The following COL6A1 variants were observed in gnomAD, a reference collection of about 807,000 sequenced individuals.
The protein encoded by COL6A1 is collagen alpha-1(VI) chain.
Under a neutral mutation model 145.6 loss-of-function variants are expected in COL6A1, and 80 were observed. The observed-to-expected ratio is 0.55, with a 90% CI of 0.46 to 0.66. The LOEUF is 0.66. COL6A1 is among the 30% of genes least tolerant of loss of function. COL6A1 has a pLI of 0.00. For synonymous variants in COL6A1, 638 were observed against 622.8 expected (o/e 1.02, Z -0.36); for missense variants, 1,364 against 1,473.8 (o/e 0.93, Z 1.22).
In COL6A1 at chr21:45,998,882, C is replaced by G. The variant is rs886057154; in HGVS notation, c.1612-15C>G. 4.5e-6 allele frequency: 7 copies of G among 1,552,752 alleles called. No homozygotes were observed. The highest frequency in any genetic ancestry group is 4.8e-5 in the East Asian group (2 of 41,594). On this transcript the variant is annotated splice_polypyrimidine_tract_variant and intron_variant, in intron 24 of 34. Coordinates refer to ENST00000361866, the MANE Select transcript of COL6A1 (RefSeq NM_001848.3). Reference sequence around the variant, plus strand: ...ATAAAACCCTTGTTAACCAAGTGCTCTCCCGTCACTGCAGGGCACGAAGGG... The same window carrying G: ...ATAAAACCCTTGTTAACCAAGTGCTGTCCCGTCACTGCAGGGCACGAAGGG...
At position 46,003,749 on chromosome 21, in the gene COL6A1, C is replaced by T. The variant is rs1456333251; in HGVS notation, c.2823C>T (p.Leu941=). Reference sequence around the variant, plus strand: ...GCGCTGCCAAGAAGAGGCTGCTGCTCTTCTCAGATGGCAACTCGCAGGGCG... The same window carrying T: ...GCGCTGCCAAGAAGAGGCTGCTGCTTTTCTCAGATGGCAACTCGCAGGGCG... ...SSGAAKKRLL[L]FSDGNSQGAT... The change falls in exon 35 of 35, where the codon CTC becomes CTT. Residue 941 remains leucine, a synonymous_variant. Transcript: ENST00000361866. The T allele has an allele frequency of 1.9e-6, 3 of 1,612,784 alleles. No homozygotes were observed. Among genetic ancestry groups the T allele is most frequent in the East Asian group, 2.2e-5 (1 of 44,882 alleles).
At chr21:45,999,541 A>T (rs2077826115) in intron 26 of COL6A1, 116 bp from the exon 27 acceptor site, 1 of 1,112,026 alleles carries the variant, frequency 9.0e-7, no homozygotes, top group Non-Finnish European at 1.3e-6. Flanking sequence ...GTAGGGAGGG[A>T]CCGGGCAGGG....
chr21:45,982,726 T>C lies in COL6A1; in HGVS notation c.190T>C (p.Ser64Pro). 6.2e-7 allele frequency: 1 copy of C among 1,612,678 alleles called. No individual in the cohort carries two copies. ...PYGALVDKVK[S>P]FTKRFIDNLR... ...CGGGGCCCTCGTGGACAAAGTCAAG[T>C]CCTTCACCAAGCGCTTCATCGACAA... is the stretch of plus-strand genomic sequence containing the variant. Residue 64 changes from serine (S) to proline (P), a missense_variant, in exon 2 of 35, where the codon TCC becomes CCC. By Grantham distance (74) the Ser-to-Pro change is moderately conservative. Transcript: ENST00000361866.
rs1305913403 is a variant in COL6A1, at chr21:46,004,139, T to C, written c.*126T>C. ...CGCTAGATTTTTTTTAAGGAAAAGCTTGGAAAGCCAGGACACAACGCTGCT... is the reference window on the plus strand; with the variant it reads ...CGCTAGATTTTTTTTAAGGAAAAGCCTGGAAAGCCAGGACACAACGCTGCT... On this transcript the variant is annotated 3_prime_UTR_variant, in exon 35 of 35. Coordinates refer to ENST00000361866, the MANE Select transcript of COL6A1 (RefSeq NM_001848.3). 6.6e-6 allele frequency: 9 copies of C among 1,366,974 alleles called. No homozygotes were observed. The Admixed American group carries it at 1.7e-4, about 26-fold the overall frequency. The allele number at this position is 1,366,974 out of a possible 1,614,324, so 84.7% of individuals were successfully genotyped here.
chr21:46,002,919 C>T (rs1488193017), intron 33 of COL6A1, among the ~76,000 whole-genome samples: 2 of 151,738 alleles, frequency 1.3e-5, no homozygotes, highest in African/African-American at 4.8e-5. Flanking sequence ...TCCCAGCTCA[C>T]TGTTACCTCC....
chr21:45,982,387 C>T (rs2077712868), intron 1 of COL6A1, among the ~76,000 whole-genome samples: 2 of 152,248 alleles, frequency 1.3e-5, no homozygotes, highest in Admixed American at 6.5e-5. Flanking sequence ...CGGGGACGCC[C>T]TGCCCTTCGG....
Position 46,003,447 on chromosome 21 carries a change from G to A in COL6A1, c.2521G>A (p.Gly841Ser). 6.2e-7 allele frequency: 1 copy of A among 1,605,400 alleles called. No homozygotes were observed. The highest frequency in any genetic ancestry group is 8.5e-7 in the Non-Finnish European group (1 of 1,179,698). ...TILLDGSASVGSHNFDTTKRF... is the reference protein window; with the variant it reads ...TILLDGSASVSSHNFDTTKRF... ...CCTGCTGGACGGCTCCGCCAGCGTG[G>A]GCAGCCACAACTTTGACACCACCAA... Residue 841 changes from glycine (G) to serine (S), a missense_variant, in exon 35 of 35, where the codon GGC becomes AGC. Coordinates refer to ENST00000361866, the MANE Select transcript of COL6A1 (RefSeq NM_001848.3).
chr21:45,985,177 CAGAGAGACAGAG>C (rs939381255), intron 3 of COL6A1, among the ~76,000 whole-genome samples: 1 of 44,512 alleles, frequency 2.2e-5, no homozygotes, highest in Non-Finnish European at 6.4e-5. Context: ...CATACAGAGA[CAGAGAGACAGAG>C]AGAAGCAGAG....
intron 9 of COL6A1, 41 bp from the exon 10 acceptor site, chr21:45,989,567 G>C (rs1377359544): frequency 1.9e-6 from 3 of 1,605,184 alleles, no homozygotes; most frequent in East Asian, 2.2e-5. Flanking sequence ...CCCTGCCCCT[G>C]CTCCTCCGGG....
chr21:45,985,891 G>A (rs962807427), intron 3 of COL6A1, among the ~76,000 whole-genome samples: 7 of 152,220 alleles, frequency 4.6e-5, no homozygotes. Flanking sequence ...TCTGCAGGGG[G>A]TGCATGGGGG....
At position 45,999,164 on chromosome 21, in the gene COL6A1, T is replaced by A. The variant is rs2077823747; in HGVS notation, c.1686T>A (p.Ile562=). 6.2e-7 allele frequency: 1 copy of A among 1,601,258 alleles called. No homozygotes were observed. The highest frequency in any genetic ancestry group is 1.3e-5 in the African/African-American group (1 of 74,816). The change falls in exon 26 of 35, where the codon ATT becomes ATA. Residue 562 remains isoleucine (I), a synonymous_variant. Transcript: ENST00000361866. The stretch of plus-strand genomic sequence containing the variant: ...CTGTTCCCTTCTAGAACAACGACAT[T>A]GCACCCCGAGGAGTCAAAGGAGCAA... The part of the protein sequence containing the change: ...AGDPGDDNND[I]APRGVKGAKG...
chr21:45,997,522 G>GA (rs773703714), intron 21 of COL6A1, 39 bp downstream of exon 21: 5 of 1,602,158 alleles, frequency 3.1e-6, no homozygotes, highest in Non-Finnish European at 4.3e-6. Flanking sequence ...CCACCCAGGG[G>GA]GGCCTGAGGA....
chr21:46,002,040 C>T lies in COL6A1; in HGVS notation c.2036C>T (p.Pro679Leu). The T allele has an allele frequency of 6.2e-7, 1 of 1,612,448 alleles. No homozygotes were observed. The change falls in exon 31 of 35, where the codon CCC becomes CTC. Residue 679 changes from proline (P) to leucine (L), a missense_variant. Around this residue, in one of 3 missense-constraint regions of COL6A1, gnomAD observed 938 missense variants for 1,003.8 expected, o/e 0.93. Transcript: ENST00000361866. The stretch of plus-strand genomic sequence containing the variant: ...CAGGAGCACGTGAGCCTGCGCAGCC[C>T]CAGCATCCGGAACGTGCAGGAGCTC... ...QMQEHVSLRS[P>L]SIRNVQELKE...
chr21:45,999,790 C>A, intron 27 of COL6A1, 98 bp downstream of exon 27: 2 of 943,288 alleles, frequency 2.1e-6, no homozygotes, highest in Non-Finnish European at 3.1e-6. Context: ...AGACGCTGCT[C>A]ACGGGGGGGT....
At chr21:45,990,659 G>A in intron 13 of COL6A1, 114 bp from the exon 14 acceptor site, 2 of 981,140 alleles carry the variant, frequency 2.0e-6, no homozygotes, top group Middle Eastern at 2.3e-4. Flanking sequence ...TGTCTGCTAG[G>A]CAGGGCTTTC....
At chr21:45,984,125 C>T in intron 2 of COL6A1, 144 bp from the exon 3 acceptor site, 1 of 864,980 alleles carries the variant, frequency 1.2e-6, no homozygotes, top group Non-Finnish European at 1.9e-6. Flanking sequence ...GGGCCGGCCT[C>T]AGGGCCACAG....
rs545246543 is a variant in COL6A1 at position 45,991,417 on chromosome 21, G to A, written c.1119+376G>A. ...TGGGCTGGGTGGCACTGAGGGTGGC[G>A]AGTGGGCGGGAGGGTGGTGAGCGGG... On this transcript the variant is annotated intron_variant, in intron 15 of 34. Coordinates refer to ENST00000361866, the MANE Select transcript of COL6A1 (RefSeq NM_001848.3). 8.6e-5 allele frequency among the ~76,000 whole-genome samples: 13 copies of A among 151,802 alleles called. 1 individual carries two copies. The highest frequency in any genetic ancestry group is 1.5e-5 in the Non-Finnish European group (1 of 67,858).
At chr21:45,982,068 C>G in intron 1 of COL6A1, 121 bp downstream of exon 1, 1 of 829,594 alleles carries the variant, frequency 1.2e-6, no homozygotes, top group Middle Eastern at 3.5e-4. Context: ...AGCCCCTGAA[C>G]CCCACTCCCC....
intron 2 of COL6A1, among the ~76,000 whole-genome samples, chr21:45,983,511 C>T (rs1019966914): frequency 5.3e-5 from 8 of 152,240 alleles, no homozygotes; most frequent in East Asian, 1.9e-4. Context: ...GCCGCTGGGC[C>T]GGAGCCTCCC....
Sources: gnomAD v4.1 joint callset for allele counts (sites outside exome capture counted in the v4.1 genomes callset) on GRCh38, gnomAD v4.1.1 for gene constraint, gnomAD v4.1.1 regional missense constraint, MANE v1.5 for transcripts, NCBI Gene and HGNC (gene_info 2026-07-23, HGNC 2026-07-21) for gene names.